TCP1: variants seen among roughly 807,000 people sequenced by gnomAD.
The protein encoded by TCP1 is t-complex 1.
In TCP1, 6 loss-of-function variants were observed where a neutral mutation model predicts 54.7. The observed-to-expected ratio is 0.11, with a 90% confidence interval of 0.06 to 0.22. The LOEUF (loss-of-function observed/expected upper bound fraction) is 0.22, where lower values mean the gene tolerates loss of function less well. TCP1 is among the 10% of genes least tolerant of loss of function. TCP1 has a pLI of 1.00. For missense variants in TCP1, 511 were observed against 678.2 expected (o/e 0.75, Z 2.74); for synonymous variants, 225 against 229.7 (o/e 0.98, Z 0.19).
intron 5 of TCP1, 145 bp from the exon 6 acceptor site, chr6:159,784,992 C>G: frequency 1.3e-6 from 1 of 765,192 alleles, no homozygotes; most frequent in Non-Finnish European, 2.2e-6. Context: ...AATGTTACAA[C>G]ATTATCACTA....
chr6:159,780,172 G>A (rs1780538856), intron 9 of TCP1, 85 bp from the exon 10 acceptor site: 11 of 1,499,246 alleles, frequency 7.3e-6, no homozygotes, highest in Non-Finnish European at 1.0e-5. Context: ...AAAAAAAATG[G>A]CATTTTAATA....
chr6:159,780,412 T>TA (rs113655669), intron 9 of TCP1, 31 bp downstream of exon 9: 49,306 of 1,613,496 alleles, frequency 0.031, 1,122 homozygotes, highest in African/African-American at 0.084. Context: ...AAAATCGGTA[T>TA]AACTTTACAA....
intron 3 of TCP1, among the ~76,000 whole-genome samples, chr6:159,786,416 C>T (rs1313491903): frequency 2.0e-5 from 3 of 152,110 alleles, no homozygotes; most frequent in Non-Finnish European, 4.4e-5. Flanking sequence ...TTCTAAGAAA[C>T]TAGTTCAGCA....
In TCP1 at chr6:159,789,594, G is replaced by A. The variant is rs1780802748; in HGVS notation, c.-126C>T. The A allele has an allele frequency of 1.9e-5, 22 of 1,173,780 alleles. No individual in the cohort carries two copies. The highest frequency in any genetic ancestry group is 2.5e-5 in the Non-Finnish European group (20 of 808,878). 72.7% of individuals were successfully genotyped at this position (1,173,780 alleles called of 1,614,324 possible). A position where few individuals can be genotyped will look rare whatever the true frequency, so the allele number is the denominator to read the frequency against. On this transcript the variant is annotated 5_prime_UTR_variant, in exon 1 of 12. Coordinates refer to ENST00000321394, the MANE Select transcript of TCP1 (RefSeq NM_030752.3). ...TGGAGCGTACCCGAGCGATGTCCCAGGAGCTACTGGGTAACACACCACCCC... is the reference window on the plus strand; with the variant it reads ...TGGAGCGTACCCGAGCGATGTCCCAAGAGCTACTGGGTAACACACCACCCC...
chr6:159,787,008 C>T (rs926515363), intron 3 of TCP1, among the ~76,000 whole-genome samples: 3 of 147,718 alleles, frequency 2.0e-5, no homozygotes, highest in Non-Finnish European at 4.4e-5. Context: ...CTACAGAGGC[C>T]GAGAAGGGAG....
At position 159,785,387 on chromosome 6, in the gene TCP1, T is replaced by G; in HGVS notation, c.487A>C (p.Ile163Leu). The part of the protein sequence containing the change: ...KTSMSSKIIG[I>L]NGDFFANMVV... ...TTTATCTGACAACCACAAGGATACA[T>G]TCCAATGATTTTGGAAGACATGGAT... Residue 163 changes from isoleucine to leucine, a missense_variant and splice_region_variant, in exon 5 of 12, where the codon ATA (isoleucine) becomes CTA (leucine). Physicochemically the swap from Ile to Leu is conservative, Grantham distance 5. This residue lies in a region of TCP1 where 305 missense variants were observed against 352.8 expected (regional missense o/e 0.86). Coordinates refer to ENST00000321394, the MANE Select transcript of TCP1 (RefSeq NM_030752.3). 1 of 1,608,228 alleles carries G rather than the reference T, an allele frequency of 6.2e-7. No individual in the cohort carries two copies. The highest frequency in any genetic ancestry group is 8.5e-7 in the Non-Finnish European group (1 of 1,176,266).
chr6:159,781,877 T>TA (rs1299525512), intron 7 of TCP1, among the ~76,000 whole-genome samples: 8 of 152,204 alleles, frequency 5.3e-5, no homozygotes, highest in African/African-American at 1.7e-4. Context: ...ACAATCTAGA[T>TA]ACTAAGCTTA....
At position 159,784,860 on chromosome 6, in the gene TCP1, T is replaced by A; in HGVS notation, c.489-13A>T. The A allele has an allele frequency of 4.3e-6, 7 of 1,614,066 alleles. No individual in the cohort carries two copies. Among genetic ancestry groups the A allele is most frequent in the Non-Finnish European group, 5.1e-6 (6 of 1,179,970 alleles). ...GAAATCACCATTTCTACGCCAAAAGTTAAGGACAGTAACAGGTTTGGAATG... is the reference window on the plus strand; with the variant it reads ...GAAATCACCATTTCTACGCCAAAAGATAAGGACAGTAACAGGTTTGGAATG... On this transcript the variant is annotated splice_polypyrimidine_tract_variant and intron_variant, in intron 5 of 11. Coordinates refer to ENST00000321394, the MANE Select transcript of TCP1 (RefSeq NM_030752.3).
chr6:159,778,992 CAAGG>C lies in TCP1; in HGVS notation c.*49_*52del. On this transcript the variant is annotated 3_prime_UTR_variant, in exon 12 of 12. Coordinates refer to ENST00000321394, the MANE Select transcript of TCP1 (RefSeq NM_030752.3). Reference sequence around the variant, plus strand: ...TTACTTTAATGTGTAATACTCAACTCAAGGTACAAGACAATTGCATTTAACATTG... The same window carrying C: ...TTACTTTAATGTGTAATACTCAACTCTACAAGACAATTGCATTTAACATTG... 1 of 1,580,366 alleles carries C rather than the reference CAAGG, an allele frequency of 6.3e-7. No homozygotes were observed. The highest frequency in any genetic ancestry group is 8.6e-7 in the Non-Finnish European group (1 of 1,156,810).
intron 7 of TCP1, 31 bp from the exon 8 acceptor site, chr6:159,781,141 T>A: frequency 6.7e-7 from 1 of 1,499,850 alleles, no homozygotes; most frequent in Non-Finnish European, 8.9e-7. Context: ...CTGAGTTACC[T>A]TCTGTGATTT....
rs556671261 is a variant in TCP1 at position 159,788,269 on chromosome 6, GTTAA to G, written c.65-130_65-127del. Reference sequence around the variant, plus strand: ...GTATTTCCCAAATCTACAAATCTGTGTTAATTATTTAAAAACCACCTACTAAGAG... The same window carrying G: ...GTATTTCCCAAATCTACAAATCTGTGTTATTTAAAAACCACCTACTAAGAG... On this transcript the variant is annotated intron_variant, in intron 1 of 11. Transcript: ENST00000321394. 2.0e-3 allele frequency: 1,760 copies of G among 889,572 alleles called. 6 individuals carry two copies. The highest frequency in any genetic ancestry group is 2.7e-3 in the Non-Finnish European group (1,592 of 585,240). 55.1% of individuals were successfully genotyped at this position (889,572 alleles called of 1,614,324 possible).
At chr6:159,782,106 T>TA (rs1397651923) in intron 7 of TCP1, among the ~76,000 whole-genome samples, 2 of 152,206 alleles carry the variant, frequency 1.3e-5, no homozygotes, top group Non-Finnish European at 1.5e-5. Context: ...AATGAGAGTT[T>TA]AGTTGAGGAC....
At chr6:159,789,305 G>C in intron 1 of TCP1, 100 bp downstream of exon 1, 2 of 1,398,130 alleles carry the variant, frequency 1.4e-6, no homozygotes, top group Non-Finnish European at 2.0e-6. Flanking sequence ...GGCCCTTTCT[G>C]CGGAGGTAAA....
rs777299847 is a variant in TCP1, at chr6:159,784,045, A to G, written c.693T>C (p.Asn231=). Residue 231 remains asparagine, a synonymous_variant, in exon 7 of 12, where the codon AAT becomes AAC. Transcript: ENST00000321394. ...GSQGMPKRIV[N]AKIACLDFSL... ...TGAAGTCAAGGCAAGCAATTTTTGC[A>G]TTTACGATTCTCTTGGGCATGCCTA... 6.2e-7 allele frequency: 1 copy of G among 1,613,812 alleles called. No homozygotes were observed. The highest frequency in any genetic ancestry group is 1.1e-5 in the South Asian group (1 of 91,036).
At chr6:159,788,011 G>C (rs745912952) in intron 2 of TCP1, 47 bp downstream of exon 2, 22 of 1,606,652 alleles carry the variant, frequency 1.4e-5, no homozygotes, top group Non-Finnish European at 1.7e-5. Flanking sequence ...AAACACTGAA[G>C]ATAGTTTTAC....
intron 4 of TCP1, 50 bp from the exon 5 acceptor site, chr6:159,785,546 C>T (rs755064400): frequency 1.4e-6 from 2 of 1,382,330 alleles, no homozygotes; most frequent in East Asian, 4.6e-5. Flanking sequence ...ACTACTCAAA[C>T]TCTTTGCATT....
intron 1 of TCP1, 88 bp downstream of exon 1, chr6:159,789,317 G>A (rs1026717010): frequency 2.0e-6 from 3 of 1,503,064 alleles, no homozygotes; most frequent in Admixed American, 1.8e-5. Flanking sequence ...GGAGGTAAAG[G>A]AGAGAAACGA....
rs1297615882 is a variant in TCP1 at position 159,779,739 on chromosome 6, T to C, written c.1342A>G (p.Ile448Val). ...GCATTAACTGCTAGTGTATTGGGAA[T>C]AACAAGAAGTGATCTTGCAAACTCT... is the stretch of plus-strand genomic sequence containing the variant. ...IAEFARSLLV[I>V]PNTLAVNAAQ... The change falls in exon 11 of 12, where the codon ATT becomes GTT. Residue 448 changes from isoleucine to valine, a missense_variant. Physicochemically the swap from Ile to Val is conservative, Grantham distance 29. This residue lies in a region of TCP1 where 88 missense variants were observed against 153.1 expected (regional missense o/e 0.57). Coordinates refer to ENST00000321394, the MANE Select transcript of TCP1 (RefSeq NM_030752.3). 5 of 1,611,342 alleles carry C rather than the reference T, an allele frequency of 3.1e-6. No individual in the cohort carries two copies. Among genetic ancestry groups the C allele is most frequent in the African/African-American group, 2.7e-5 (2 of 74,588 alleles).
At position 159,779,108 on chromosome 6, in the gene TCP1, T is replaced by G; in HGVS notation, c.1608A>C (p.Glu536Asp). The G allele has an allele frequency of 2.5e-6, 4 of 1,614,098 alleles. No individual in the cohort carries two copies. Among genetic ancestry groups the G allele is most frequent in the Non-Finnish European group, 3.4e-6 (4 of 1,179,978 alleles). Residue 536 changes from glutamate (E) to aspartate (D), a missense_variant, in exon 12 of 12, where the codon GAA becomes GAC. Physicochemically the swap from Glu to Asp is conservative, Grantham distance 45. Transcript: ENST00000321394. ...RIDDLIKLHP[E>D]SKDDKHGSYE... ...AACTTCCATGTTTATCATCTTTACT[T>G]TCTGGATGTAATTTAATAAGATCAT... is the stretch of plus-strand genomic sequence containing the variant.
Sources: gnomAD v4.1 joint callset for allele counts (sites outside exome capture counted in the v4.1 genomes callset) on GRCh38, gnomAD v4.1.1 for gene constraint, gnomAD v4.1.1 regional missense constraint, MANE v1.5 for transcripts, NCBI Gene and HGNC (gene_info 2026-07-23, HGNC 2026-07-21) for gene names.